PGAP3: variants seen among roughly 807,000 people sequenced by gnomAD.
PGAP3 encodes the protein GPI-specific phospholipase A2-like PGAP3.
In PGAP3, 31 loss-of-function variants were observed where a neutral mutation model predicts 40.3. That is an observed-to-expected ratio of 0.77 (90% CI 0.58 to 1.04). PGAP3 has a LOEUF of 1.04. Ranked by LOEUF, PGAP3 falls within the 50% of genes least tolerant of loss-of-function variation. The pLI is 0.00. For synonymous variants in PGAP3, 191 were observed against 184.5 expected (o/e 1.04, Z -0.29); for missense variants, 413 against 423.0 (o/e 0.98, Z 0.21).
At chr17:39,684,382 A>T (rs368788103) in intron 3 of PGAP3, among the ~76,000 whole-genome samples, 6 of 152,006 alleles carry the variant, frequency 3.9e-5, no homozygotes, top group African/African-American at 1.5e-4. Context: ...TCTCCTTCCC[A>T]AACAGCCTGA....
At chr17:39,682,381 T>C (rs1298983413) in intron 3 of PGAP3, among the ~76,000 whole-genome samples, 2 of 152,082 alleles carry the variant, frequency 1.3e-5, no homozygotes, top group African/African-American at 4.8e-5. Flanking sequence ...GAACGGAGGC[T>C]GCACCAATTC....
chr17:39,684,263 T>A (rs1426749451), intron 3 of PGAP3, among the ~76,000 whole-genome samples: 2 of 151,652 alleles, frequency 1.3e-5, no homozygotes, highest in African/African-American at 4.9e-5. Flanking sequence ...AGACCTGTGG[T>A]CCCAGCATCC....
intron 3 of PGAP3, among the ~76,000 whole-genome samples, chr17:39,675,618 C>T (rs1282314625): frequency 6.6e-6 from 1 of 152,128 alleles, no homozygotes; most frequent in Admixed American, 6.5e-5. Flanking sequence ...GCTCAGTTGG[C>T]TCCAATGTAC....
At position 39,685,158 on chromosome 17, in the gene PGAP3, G is replaced by C. The variant is rs759041170; in HGVS notation, c.280-409C>G. On this transcript the variant is annotated intron_variant, in intron 2 of 7. Coordinates refer to ENST00000300658, the MANE Select transcript of PGAP3 (RefSeq NM_033419.5). ...GAATACTTCCTGCCAACCTCAACAGGCCAGAATGAGATAATACTGGATTGA... is the reference window on the plus strand; with the variant it reads ...GAATACTTCCTGCCAACCTCAACAGCCCAGAATGAGATAATACTGGATTGA... Among the ~76,000 whole-genome samples the C allele has an allele frequency of 7.9e-5, 12 of 152,042 alleles. No individual in the cohort carries two copies. The East Asian group carries it at 2.3e-3, about 29-fold the overall frequency.
At chr17:39,680,948 C>T (rs549775104) in intron 3 of PGAP3, among the ~76,000 whole-genome samples, 20 of 152,180 alleles carry the variant, frequency 1.3e-4, no homozygotes, top group Admixed American at 9.2e-4. Context: ...ACTGCAGCCT[C>T]GACCTCCTGG....
At chr17:39,679,408 C>A (rs1046108110) in intron 3 of PGAP3, among the ~76,000 whole-genome samples, 1 of 152,144 alleles carries the variant, frequency 6.6e-6, no homozygotes, top group African/African-American at 2.4e-5. Flanking sequence ...TGACCCCTGG[C>A]CTCTGGCACA....
Position 39,687,862 on chromosome 17 carries a change from G to A in PGAP3, c.153C>T (p.Ser51=). The A allele has an allele frequency of 1.3e-6, 2 of 1,493,902 alleles. No homozygotes were observed. Among genetic ancestry groups the A allele is most frequent in the Admixed American group, 2.0e-5 (1 of 48,972 alleles). The allele number at this position is 1,493,902 out of a possible 1,614,324, so 92.5% of individuals were successfully genotyped here. Residue 51 remains serine (S), a synonymous_variant, in exon 1 of 8, where the codon TCC becomes TCT. Transcript: ENST00000300658. ...CTAGACTCATGTAGATTGGCTGGCG[G>A]GAGCGGAAGTGATTCAGAGCGCCCC... is the stretch of plus-strand genomic sequence containing the variant. ...CSGGALNHFR[S]RQPIYMSLAG... is the part of the protein sequence containing the mutation.
Position 39,687,938 on chromosome 17 carries a change from T to C in PGAP3, c.77A>G (p.Glu26Gly). 6.7e-7 allele frequency: 1 copy of C among 1,487,938 alleles called. No homozygotes were observed. Among genetic ancestry groups the C allele is most frequent in the Non-Finnish European group, 9.0e-7 (1 of 1,105,408 alleles). The allele number at this position is 1,487,938 out of a possible 1,614,324, so 92.2% of individuals were successfully genotyped here. The change falls in exon 1 of 8, where the codon GAG becomes GGG. Residue 26 changes from glutamate (E) to glycine (G), a missense_variant. Physicochemically the swap from Glu to Gly is moderately conservative, Grantham distance 98. Coordinates refer to ENST00000300658, the MANE Select transcript of PGAP3 (RefSeq NM_033419.5). ...CAGTACGCAGTCGCGGTACACCGGC[T>C]CACGGTCGCCCTGGGAGCCGCTCGC... is the stretch of plus-strand genomic sequence containing the variant. ...ALASGSQGDR[E>G]PVYRDCVLQC...
intron 4 of PGAP3, 91 bp from the exon 5 acceptor site, chr17:39,674,145 G>T: frequency 1.5e-6 from 2 of 1,322,816 alleles, no homozygotes; most frequent in Non-Finnish European, 2.2e-6. Context: ...GCAGAGAGGG[G>T]CCGGGGTCCT....
chr17:39,678,989 C>T (rs942456239), intron 3 of PGAP3, among the ~76,000 whole-genome samples: 3 of 152,130 alleles, frequency 2.0e-5, no homozygotes, highest in African/African-American at 7.2e-5. Context: ...GAGTCTCGCC[C>T]AGTCACCCAG....
At chr17:39,672,950 T>TG in intron 7 of PGAP3, 84 bp from the exon 8 acceptor site, 1 of 1,581,426 alleles carries the variant, frequency 6.3e-7, no homozygotes, top group East Asian at 2.2e-5. Flanking sequence ...GCAGGCAAGG[T>TG]GGGAGGGGGC....
intron 3 of PGAP3, among the ~76,000 whole-genome samples, chr17:39,677,012 G>A (rs2057383307): frequency 6.6e-6 from 1 of 152,156 alleles, no homozygotes; most frequent in Non-Finnish European, 1.5e-5. Context: ...CTCCAGGCTG[G>A]GGGAAGAGTG....
rs2057324227 is a variant in PGAP3, at chr17:39,672,850, TGTC to T, written c.913_915del (p.Asp305del). On this transcript the variant is annotated inframe_deletion, in exon 8 of 8. Coordinates refer to ENST00000300658, the MANE Select transcript of PGAP3 (RefSeq NM_033419.5). The stretch of plus-strand genomic sequence containing the variant: ...TCTGATTCCTTCAGCAGGTACAGGC[TGTC>T]ATCTTCCAGAAAGCTGTGGGCCAAA... 1 of 1,614,056 alleles carries T rather than the reference TGTC, an allele frequency of 6.2e-7. No individual in the cohort carries two copies. The highest frequency in any genetic ancestry group is 8.5e-7 in the Non-Finnish European group (1 of 1,180,018).
At chr17:39,684,462 C>T in intron 3 of PGAP3, 135 bp downstream of exon 3, 1 of 1,132,850 alleles carries the variant, frequency 8.8e-7, no homozygotes, top group East Asian at 2.8e-5. Flanking sequence ...GCTTTACCAC[C>T]CTGCAGCTGC....
chr17:39,685,996 T>A lies in PGAP3; in HGVS notation c.205A>T (p.Lys69Ter). ...ACGGTGACCCACATACACTCATACT[T>A]ACAGTCGTCCCGACAGGTCCAGCCT... ...LAGWTCRDDC[K>*]YECMWVTVGL... The change falls in exon 2 of 8, where the codon AAG becomes TAG. Residue 69 changes from lysine to a stop codon, truncating the protein, a stop_gained. Coordinates refer to ENST00000300658, the MANE Select transcript of PGAP3 (RefSeq NM_033419.5). LOFTEE classifies it high-confidence loss of function. The A allele has an allele frequency of 1.2e-6, 2 of 1,613,144 alleles. No individual in the cohort carries two copies. The highest frequency in any genetic ancestry group is 1.7e-6 in the Non-Finnish European group (2 of 1,179,376).
At chr17:39,676,942 G>A (rs2057382608) in intron 3 of PGAP3, among the ~76,000 whole-genome samples, 2 of 152,136 alleles carry the variant, frequency 1.3e-5, no homozygotes, top group African/African-American at 4.8e-5. Flanking sequence ...CTCCCTGCAG[G>A]CCAAGGATGT....
Position 39,674,929 on chromosome 17 carries a change from G to C in PGAP3, c.433-250C>G, listed in dbSNP as rs2057356937. ...GGGGCTGCAGCCTCCACAGGTTCCG[G>C]CCTGGCCTGGGAACCAGTTCCGGTA... is the stretch of plus-strand genomic sequence containing the variant. On this transcript the variant is annotated intron_variant, in intron 3 of 7. Coordinates refer to ENST00000300658, the MANE Select transcript of PGAP3 (RefSeq NM_033419.5). Among the ~76,000 whole-genome samples, 4 of 152,160 alleles carry C rather than the reference G, an allele frequency of 2.6e-5. No individual in the cohort carries two copies. In the South Asian group the frequency reaches 8.3e-4, roughly 31 times the overall value.
chr17:39,674,756 A>C, intron 3 of PGAP3, 77 bp from the exon 4 acceptor site: 3 of 1,398,118 alleles, frequency 2.1e-6, no homozygotes, highest in Admixed American at 2.0e-5. Flanking sequence ...GCTCACATCC[A>C]TTTCACCTTT....
intron 3 of PGAP3, among the ~76,000 whole-genome samples, chr17:39,681,035 T>G (rs2057433515): frequency 6.6e-6 from 1 of 152,118 alleles, no homozygotes; most frequent in South Asian, 2.1e-4. Context: ...GCTTATTTTT[T>G]TTGTATTTTT....
Sources: gnomAD v4.1 joint callset for allele counts (sites outside exome capture counted in the v4.1 genomes callset) on GRCh38, gnomAD v4.1.1 for gene constraint, MANE v1.5 for transcripts, NCBI Gene and HGNC (gene_info 2026-07-23, HGNC 2026-07-21) for gene names.